Variants in PKHD1 observed in about 807,000 individuals in gnomAD.
The protein encoded by PKHD1 is fibrocystin.
Under a neutral mutation model 412.0 loss-of-function variants are expected in PKHD1, and 291 were observed. That is an observed-to-expected ratio of 0.71 (90% CI 0.64 to 0.78). The LOEUF (loss-of-function observed/expected upper bound fraction) is 0.78, where lower values mean the gene tolerates loss of function less well. PKHD1 is among the 30% of genes least tolerant of loss of function. The probability of loss-of-function intolerance (pLI) is 0.00; values close to 1 mark genes in which losing one functional copy is unlikely to be tolerated. For missense variants in PKHD1, 4,825 were observed against 4,950.7 expected (o/e 0.97, Z 0.76); for synonymous variants, 1,777 against 1,821.5 (o/e 0.98, Z 0.62).
At chr6:51,727,606 C>T (rs1011997473) in intron 60 of PKHD1, among the ~76,000 whole-genome samples, 2 of 152,192 alleles carry the variant, frequency 1.3e-5, no homozygotes, top group African/African-American at 2.4e-5. Flanking sequence ...ATGCAGTGCC[C>T]TCCTTACCCT....
chr6:52,052,859 G>A (rs568792632), intron 21 of PKHD1, among the ~76,000 whole-genome samples: 1 of 152,254 alleles, frequency 6.6e-6, no homozygotes, highest in South Asian at 2.1e-4. Context: ...GACACCAGAA[G>A]TAAGAGAAAA....
chr6:51,990,715 C>G (rs775238067), intron 35 of PKHD1, among the ~76,000 whole-genome samples: 7 of 151,770 alleles, frequency 4.6e-5, no homozygotes, highest in African/African-American at 7.3e-5. Context: ...CCATTCTATC[C>G]CACTCTTTTC....
In PKHD1 at chr6:51,912,562, C is replaced by T; in HGVS notation, c.6136G>A (p.Val2046Ile). 6.2e-7 allele frequency: 1 copy of T among 1,612,068 alleles called. No individual in the cohort carries two copies. Among genetic ancestry groups the T allele is most frequent in the Non-Finnish European group, 8.5e-7 (1 of 1,178,382 alleles). Residue 2046 changes from valine (V) to isoleucine (I), a missense_variant, in exon 38 of 67, where the codon GTA becomes ATA. Coordinates refer to ENST00000371117, the MANE Select transcript of PKHD1 (RefSeq NM_138694.4). ...GTTGCTCTAAGACAGGTGACAATTA[C>T]TTCTGGTAGTGAACCTAAAGCAGCC... ...TLSLHGSLPE[V>I]IVTCLRATAH...
chr6:51,734,844 G>A (rs1334480587), intron 60 of PKHD1, among the ~76,000 whole-genome samples: 5 of 152,236 alleles, frequency 3.3e-5, no homozygotes, highest in African/African-American at 1.2e-4. Flanking sequence ...ATAAGTAATC[G>A]ACACACGATT....
chr6:51,928,078 C>T (rs28505497), intron 37 of PKHD1, among the ~76,000 whole-genome samples: 5,213 of 152,228 alleles, frequency 0.034, 331 homozygotes, highest in African/African-American at 0.12. Flanking sequence ...TTAAACCTCT[C>T]ACCTTACCTC....
intron 60 of PKHD1, among the ~76,000 whole-genome samples, chr6:51,732,967 T>C (rs1783400609): frequency 6.6e-6 from 1 of 152,150 alleles, no homozygotes; most frequent in African/African-American, 2.4e-5. Context: ...TGCTACAACA[T>C]GGATGAACCC....
At position 51,638,882 on chromosome 6, in the gene PKHD1, A is replaced by G. The variant is rs1377055511; in HGVS notation, c.11473T>C (p.Trp3825Arg). The G allele has an allele frequency of 2.5e-6, 4 of 1,612,708 alleles. No individual in the cohort carries two copies. In the Admixed American group the frequency reaches 6.7e-5, roughly 27 times the overall value. Residue 3825 changes from tryptophan to arginine, a missense_variant, in exon 64 of 67, where the codon TGG becomes CGG. Transcript: ENST00000371117. ...NLAVLISGSN[W>R]HFIFTVTSPP... is the part of the protein sequence containing the mutation. ...GAAGTGACAGTAAAAATAAAGTGCC[A>G]GTTTGACCCAGAGATCAAGACTGCC...
At chr6:51,761,922 A>G (rs919215411) in intron 55 of PKHD1, among the ~76,000 whole-genome samples, 2 of 152,090 alleles carry the variant, frequency 1.3e-5, no homozygotes, top group Admixed American at 6.6e-5. Context: ...AGCGCTCCTT[A>G]CCTAGTTTCT....
chr6:51,638,799 CAAAAAAAA>C (rs376358912), intron 64 of PKHD1, 42 bp downstream of exon 64: 12 of 849,578 alleles, frequency 1.4e-5, no homozygotes, highest in Middle Eastern at 6.2e-4. Flanking sequence ...ATTATCTTCT[CAAAAAAAA>C]AAAAAAAAAA....
chr6:52,015,772 C>T (rs555466821), intron 34 of PKHD1, among the ~76,000 whole-genome samples: 9 of 151,632 alleles, frequency 5.9e-5, no homozygotes, highest in East Asian at 1.9e-4. Context: ...TGCAGTGAAC[C>T]GAGATCTTGC....
At chr6:51,805,635 A>AAG (rs1270777717) in intron 52 of PKHD1, among the ~76,000 whole-genome samples, 4 of 152,220 alleles carry the variant, frequency 2.6e-5, no homozygotes, top group African/African-American at 9.6e-5. Context: ...AAAGGCGGGC[A>AAG]AGAGAGCAGA....
At chr6:52,032,024 C>G (rs1803130364) in intron 29 of PKHD1, among the ~76,000 whole-genome samples, 1 of 152,066 alleles carries the variant, frequency 6.6e-6, no homozygotes, top group Admixed American at 6.6e-5. Flanking sequence ...ATGGAGCTCC[C>G]CCTCCCTTTT....
In PKHD1 at chr6:52,048,495, A is replaced by G. The variant is rs752994165; in HGVS notation, c.2404T>C (p.Ser802Pro). Residue 802 changes from serine (S) to proline (P), a missense_variant, in exon 23 of 67, where the codon TCT (serine) becomes CCT (proline). By Grantham distance (74) the Ser-to-Pro change is moderately conservative. Transcript: ENST00000371117. ...FRIQLPNTVI[S>P]DVPVQISAHH... ...GCAACCCCAATCACCCCTTTACCAG[A>G]AATCACTGTATTAGGAAGCTGGATG... 2 of 1,614,066 alleles carry G rather than the reference A, an allele frequency of 1.2e-6. No individual in the cohort carries two copies. The highest frequency in any genetic ancestry group is 2.2e-5 in the South Asian group (2 of 91,080).
Position 52,017,575 on chromosome 6 carries a change from G to A in PKHD1, c.5435C>T (p.Ala1812Val), listed in dbSNP as rs1221814509. ...ATCACACTGCACATAGGTGTGTCTG[G>A]CAGCCTCACAGCTGTCCTCCTCACG... is the stretch of plus-strand genomic sequence containing the variant. ...LKREEDSCEA[A>V]RHTYVQCDLT... The change falls in exon 34 of 67, where the codon GCC becomes GTC. Residue 1812 changes from alanine (A) to valine (V), a missense_variant. Physicochemically the swap from Ala to Val is moderately conservative, Grantham distance 64. Coordinates refer to ENST00000371117, the MANE Select transcript of PKHD1 (RefSeq NM_138694.4). 1.2e-6 allele frequency: 2 copies of A among 1,613,986 alleles called. No homozygotes were observed. Among genetic ancestry groups the A allele is most frequent in the East Asian group, 2.2e-5 (1 of 44,884 alleles).
intron 34 of PKHD1, among the ~76,000 whole-genome samples, chr6:52,016,858 C>G (rs1260302774): frequency 1.3e-5 from 2 of 152,122 alleles, no homozygotes; most frequent in Non-Finnish European, 2.9e-5. Flanking sequence ...GGGGGGTTAA[C>G]TTGGAAAGTT....
At chr6:51,909,984 A>G (rs1782707737) in intron 39 of PKHD1, among the ~76,000 whole-genome samples, 1 of 152,154 alleles carries the variant, frequency 6.6e-6, no homozygotes, top group African/African-American at 2.4e-5. Context: ...ACTCCAGAGA[A>G]GCAACTGAGC....
intron 37 of PKHD1, among the ~76,000 whole-genome samples, chr6:51,931,800 A>G (rs1484908735): frequency 6.6e-6 from 1 of 151,670 alleles, no homozygotes; most frequent in Admixed American, 6.6e-5. Flanking sequence ...AAATGGCCTA[A>G]TCTGGGAATA....
chr6:51,775,867 G>A lies in PKHD1; in HGVS notation c.8495C>T (p.Ala2832Val), dbSNP rs774604849. 32 of 1,600,946 alleles carry A rather than the reference G, an allele frequency of 2.0e-5. No individual in the cohort carries two copies. The highest frequency in any genetic ancestry group is 2.7e-5 in the Non-Finnish European group (31 of 1,169,202). ...KEQKLLILLR[A>V]SEGVFCDRMN... ...ACGGTCACAAAAGACTCCCTCTGAG[G>A]CTCTAAGGAGAATCAGAAGCTTTTG... The change falls in exon 54 of 67, where the codon GCC becomes GTC. Residue 2832 changes from alanine to valine, a missense_variant. Ala to Val is a moderately conservative substitution (Grantham distance 64). Coordinates refer to ENST00000371117, the MANE Select transcript of PKHD1 (RefSeq NM_138694.4).
intron 49 of PKHD1, among the ~76,000 whole-genome samples, chr6:51,852,493 C>G (rs1056065067): frequency 2.6e-5 from 4 of 152,148 alleles, no homozygotes; most frequent in African/African-American, 9.7e-5. Flanking sequence ...CTAATACTGA[C>G]AGTGGGGTAT....
Sources: gnomAD v4.1 joint callset for allele counts (sites outside exome capture counted in the v4.1 genomes callset) on GRCh38, gnomAD v4.1.1 for gene constraint, MANE v1.5 for transcripts, NCBI Gene and HGNC (gene_info 2026-07-23, HGNC 2026-07-21) for gene names.